Variants in HTR4 observed in about 807,000 individuals in gnomAD.
HTR4 encodes 5-hydroxytryptamine receptor 4, also known as 5-hydroxytryptamine (serotonin) receptor 4, G protein-coupled.
HTR4 carries 16 observed loss-of-function variants against 36.8 expected under a neutral mutation model. The ratio of observed to expected loss-of-function variants is 0.43; its 90% CI spans 0.29 to 0.66. HTR4 has a LOEUF of 0.66. Ranked by LOEUF, HTR4 falls within the 30% of genes least tolerant of loss-of-function variation. The pLI is 0.13. For missense variants in HTR4, 438 were observed against 490.9 expected (o/e 0.89, Z 1.02); for synonymous variants, 189 against 185.1 (o/e 1.02, Z -0.17).
Position 148,547,274 on chromosome 5 carries a change from CA to C in HTR4, c.353+1393del, listed in dbSNP as rs553138258. 9.9e-5 allele frequency among the ~76,000 whole-genome samples: 15 copies of C among 152,172 alleles called. 1 individual carries two copies. Among genetic ancestry groups the C allele is most frequent in the African/African-American group, 3.6e-4 (15 of 41,504 alleles). On this transcript the variant is annotated intron_variant, in intron 4 of 6. Transcript: ENST00000377888. ...AAAAGTGTGTATGTTAGATATACCA[CA>C]ATCTCTAGTTTCAGTCAACTACTTT...
rs533609467 is a variant in HTR4 at position 148,558,785 on chromosome 5, T to C, written c.27-8523A>G. On this transcript the variant is annotated intron_variant, in intron 2 of 6. Coordinates refer to ENST00000377888, the MANE Select transcript of HTR4 (RefSeq NM_000870.7). ...TGAAGTCAGATTGCATTCTGGTCTC[T>C]CTCCCTATTGCCATAGCCTTGGAAA... Among the ~76,000 whole-genome samples the C allele has an allele frequency of 6.8e-4, 104 of 152,278 alleles. 1 individual carries two copies. The highest frequency in any genetic ancestry group is 2.3e-3 in the African/African-American group (96 of 41,546).
intron 2 of HTR4, chr5:148,630,056 G>A (rs921336508): frequency 1.3e-5 from 2 of 152,116 alleles, no homozygotes; most frequent in Non-Finnish European, 2.9e-5. Flanking sequence ...GGCAATGGTT[G>A]TGCCTCCAGC....
intron 2 of HTR4, among the ~76,000 whole-genome samples, chr5:148,612,436 C>T (rs1394388115): frequency 6.7e-6 from 1 of 149,084 alleles, no homozygotes; most frequent in Non-Finnish European, 1.5e-5. Flanking sequence ...CTACTGGGTA[C>T]ATAACGAAAT....
chr5:148,550,435 A>G lies in HTR4; in HGVS notation c.27-173T>C, dbSNP rs13360730. Among the ~76,000 whole-genome samples the G allele has an allele frequency of 9.2e-3, 1,405 of 152,298 alleles. 19 individuals carry two copies. Among genetic ancestry groups the G allele is most frequent in the African/African-American group, 0.032 (1,318 of 41,562 alleles). The stretch of plus-strand genomic sequence containing the variant: ...ATCTGAACCGGTCGCTTGACATTTT[A>G]TCCTGGTTAGCTCCTACATAAGAGG... On this transcript the variant is annotated intron_variant, in intron 2 of 6. Coordinates refer to ENST00000377888, the MANE Select transcript of HTR4 (RefSeq NM_000870.7).
chr5:148,563,721 C>A (rs1339350815), intron 2 of HTR4, among the ~76,000 whole-genome samples: 1 of 152,134 alleles, frequency 6.6e-6, no homozygotes, highest in Non-Finnish European at 1.5e-5. Flanking sequence ...ATAGATATAA[C>A]AACTATTTGC....
chr5:148,524,647 A>G (rs1450041791), intron 4 of HTR4, among the ~76,000 whole-genome samples: 2 of 152,184 alleles, frequency 1.3e-5, no homozygotes, highest in East Asian at 3.9e-4. Flanking sequence ...CAGTAGATCT[A>G]TCATTCATTT....
intron 5 of HTR4, chr5:148,461,960 G>A (rs565624026): frequency 1.3e-5 from 2 of 152,124 alleles, no homozygotes; most frequent in African/African-American, 2.4e-5. Context: ...CAGAAAGATA[G>A]GTGGAAAATT....
intron 5 of HTR4, among the ~76,000 whole-genome samples, chr5:148,461,427 A>G (rs557770296): frequency 6.6e-6 from 1 of 152,166 alleles, no homozygotes; most frequent in East Asian, 1.9e-4. Flanking sequence ...GGAGAAATAT[A>G]TACCAAGGTA....
chr5:148,654,050 T>A lies in HTR4; in HGVS notation c.-48+12A>T. 1 of 985,258 alleles carries A rather than the reference T, an allele frequency of 1.0e-6. No individual in the cohort carries two copies. Among genetic ancestry groups the A allele is most frequent in the Non-Finnish European group, 1.2e-6 (1 of 829,890 alleles). The allele number at this position is 985,258 out of a possible 1,614,324, so 61.0% of individuals were successfully genotyped here. ...CTGGGGTCCCGACCCCCGGCGCACT[T>A]GCCGCACATACCCGCTGCCAGAGGC... On this transcript the variant is annotated intron_variant, in intron 1 of 6. Coordinates refer to ENST00000377888, the MANE Select transcript of HTR4 (RefSeq NM_000870.7).
intron 2 of HTR4, among the ~76,000 whole-genome samples, chr5:148,559,344 G>T (rs541345679): frequency 6.6e-6 from 1 of 152,026 alleles, no homozygotes; most frequent in African/African-American, 2.4e-5. Flanking sequence ...TTTATTACTG[G>T]CCATGAACAA....
intron 4 of HTR4, among the ~76,000 whole-genome samples, chr5:148,544,307 T>C (rs1416643954): frequency 6.7e-6 from 1 of 149,014 alleles, no homozygotes; most frequent in Admixed American, 6.7e-5. Flanking sequence ...CCACCTCTCT[T>C]TCTCTCTCTC....
chr5:148,549,582 C>G (rs1759580252), intron 3 of HTR4, among the ~76,000 whole-genome samples: 1 of 152,128 alleles, frequency 6.6e-6, no homozygotes, highest in Admixed American at 6.5e-5. Flanking sequence ...AACGCCTCTC[C>G]CCTCAAAGAT....
chr5:148,581,792 A>T (rs1354181262), intron 2 of HTR4, among the ~76,000 whole-genome samples: 1 of 152,050 alleles, frequency 6.6e-6, no homozygotes, highest in Non-Finnish European at 1.5e-5. Flanking sequence ...CTTTGTTCTT[A>T]CTATTCAAAA....
chr5:148,545,771 G>A (rs1402507985), intron 4 of HTR4, among the ~76,000 whole-genome samples: 1 of 152,138 alleles, frequency 6.6e-6, no homozygotes, highest in Non-Finnish European at 1.5e-5. Flanking sequence ...CTGGGGACAT[G>A]GACAGGAAAC....
rs369831099 is a variant in HTR4 at position 148,451,248 on chromosome 5, A to G, written c.1101T>C (p.His367=). The G allele has an allele frequency of 3.5e-5, 57 of 1,613,732 alleles. No individual in the cohort carries two copies. In the African/African-American group the frequency reaches 6.7e-4, roughly 19 times the overall value. Residue 367 remains histidine (H), a synonymous_variant, in exon 6 of 6, where the codon CAT becomes CAC. Coordinates refer to the HTR4 transcript ENST00000521530. ...TGGGCAGTTTCTCGAGTTCCTGATG[A>G]TGTCCCCTGTGCAGAACGGTGTACC...
chr5:148,467,551 C>A (rs1755459050), intron 5 of HTR4, among the ~76,000 whole-genome samples: 1 of 152,102 alleles, frequency 6.6e-6, no homozygotes, highest in Non-Finnish European at 1.5e-5. Context: ...TTGTTTCCAC[C>A]ACAACATGCT....
At chr5:148,552,324 T>C (rs1291521733) in intron 2 of HTR4, among the ~76,000 whole-genome samples, 1 of 152,222 alleles carries the variant, frequency 6.6e-6, no homozygotes, top group Non-Finnish European at 1.5e-5. Flanking sequence ...GTTCTAACTA[T>C]CAACAGTACA....
downstream of HTR4, among the ~76,000 whole-genome samples, chr5:148,472,543 T>A (rs1755595693): frequency 6.6e-6 from 1 of 152,180 alleles, no homozygotes; most frequent in African/African-American, 2.4e-5. Flanking sequence ...CTAATTTGGA[T>A]GCTTCTCTTT....
At chr5:148,531,909 A>G (rs1758584903) in intron 4 of HTR4, among the ~76,000 whole-genome samples, 1 of 151,992 alleles carries the variant, frequency 6.6e-6, no homozygotes, top group Admixed American at 6.6e-5. Context: ...ATGTCTGGAG[A>G]CTTTGTTGTT....
Sources: allele counts gnomAD v4.1 joint callset (sites outside exome capture counted in the v4.1 genomes callset), GRCh38; gene constraint gnomAD v4.1.1; transcripts MANE v1.5; gene names NCBI Gene and HGNC (gene_info 2026-07-23, HGNC 2026-07-21).